The following PTPRB variants were observed in gnomAD, a reference collection of about 807,000 sequenced individuals.
PTPRB encodes receptor-type tyrosine-protein phosphatase beta.
A neutral mutation model predicts 238.1 loss-of-function variants in PTPRB; 97 were observed. The ratio of observed to expected loss-of-function variants is 0.41; its 90% CI spans 0.35 to 0.48. The LOEUF (loss-of-function observed/expected upper bound fraction) is 0.48. Ranked by LOEUF, PTPRB falls within the 20% of genes least tolerant of loss-of-function variation. PTPRB has a pLI of 0.30. For missense variants in PTPRB, 2,292 were observed against 2,681.9 expected (o/e 0.85, Z 3.21); for synonymous variants, 970 against 995.4 (o/e 0.97, Z 0.48).
At chr12:70,553,966 C>T (rs1214479026) in intron 20 of PTPRB, among the ~76,000 whole-genome samples, 1 of 152,158 alleles carries the variant, frequency 6.6e-6, no homozygotes, top group Non-Finnish European at 1.5e-5. Context: ...CACAAGGCTA[C>T]TTTCTGGGGT....
chr12:70,539,618 G>T lies in PTPRB; in HGVS notation c.5778+7C>A. ...GATGCTGAAGCTTCATTCTGCCTGA[G>T]TTGTACCTCGTATTCCTTGGATAGA... is the stretch of plus-strand genomic sequence containing the variant. On this transcript the variant is annotated splice_region_variant and intron_variant, in intron 26 of 33. Coordinates refer to ENST00000334414, the MANE Select transcript of PTPRB (RefSeq NM_001109754.4). 4 of 1,527,470 alleles carry T rather than the reference G, an allele frequency of 2.6e-6. No homozygotes were observed. Among genetic ancestry groups the T allele is most frequent in the Non-Finnish European group, 3.6e-6 (4 of 1,118,318 alleles). 94.6% of individuals were successfully genotyped at this position (1,527,470 alleles called of 1,614,324 possible).
intron 19 of PTPRB, 81 bp downstream of exon 19, chr12:70,555,789 T>G: frequency 1.3e-6 from 2 of 1,498,894 alleles, no homozygotes; most frequent in Non-Finnish European, 1.8e-6. Flanking sequence ...TGAATAGCAG[T>G]GATGGATATG....
Position 70,532,057 on chromosome 12 carries a change from C to T in PTPRB, c.6482G>A (p.Arg2161Lys), listed in dbSNP as rs967055558. The part of the protein sequence containing the change: ...YGAVHDLRLH[R>K]VHMVQTECQY... ...TACCTCAGTCTGGACCATGTGAACC[C>T]TGTGAAGTCTTAGGTCGTGCACTGC... Residue 2161 changes from arginine to lysine, a missense_variant, in exon 32 of 34, where the codon AGG (arginine) becomes AAG (lysine). Transcript: ENST00000334414. The T allele has an allele frequency of 1.6e-5, 26 of 1,613,920 alleles. No individual in the cohort carries two copies. The highest frequency in any genetic ancestry group is 2.2e-5 in the Non-Finnish European group (26 of 1,179,886).
At chr12:70,623,713 C>T (rs907550131) in intron 2 of PTPRB, among the ~76,000 whole-genome samples, 18 of 152,190 alleles carry the variant, frequency 1.2e-4, no homozygotes, top group East Asian at 3.9e-4. Context: ...ACTGGGAGAG[C>T]GAGGATTTTA....
chr12:70,594,830 C>T (rs775814875), intron 5 of PTPRB, 106 bp from the exon 6 acceptor site: 1 of 1,349,998 alleles, frequency 7.4e-7, no homozygotes, highest in Non-Finnish European at 1.0e-6. Context: ...CTCTGTACAT[C>T]TTAACTTGAT....
chr12:70,520,156 A>G lies in PTPRB; in HGVS notation c.*1333T>C, dbSNP rs751794746. 1 of 454,952 alleles carries G rather than the reference A, an allele frequency of 2.2e-6. No homozygotes were observed. The highest frequency in any genetic ancestry group is 4.4e-6 in the Non-Finnish European group (1 of 227,290). 28.2% of individuals were successfully genotyped at this position (454,952 alleles called of 1,614,324 possible). A position where few individuals can be genotyped will look rare whatever the true frequency, so the allele number is the denominator to read the frequency against. Reference sequence around the variant, plus strand: ...ACATCTCCAGCTCATCTTCTCAGGTATCTATGAAGATTCCGTACAAACTCC... The same window carrying G: ...ACATCTCCAGCTCATCTTCTCAGGTGTCTATGAAGATTCCGTACAAACTCC... On this transcript the variant is annotated 3_prime_UTR_variant, in exon 34 of 34. Transcript: ENST00000334414.
intron 3 of PTPRB, among the ~76,000 whole-genome samples, chr12:70,614,176 A>C (rs1352959505): frequency 2.0e-5 from 3 of 152,162 alleles, no homozygotes; most frequent in Non-Finnish European, 4.4e-5. Flanking sequence ...AATGCTGGGG[A>C]TAGAGCTCAA....
chr12:70,546,874 G>C (rs942890476), intron 21 of PTPRB, among the ~76,000 whole-genome samples: 1 of 152,110 alleles, frequency 6.6e-6, no homozygotes, highest in African/African-American at 2.4e-5. Flanking sequence ...GTTAAAGATT[G>C]GCTTGGGTGA....
intron 28 of PTPRB, among the ~76,000 whole-genome samples, chr12:70,536,650 A>T (rs1874167238): frequency 1.3e-5 from 2 of 152,216 alleles, no homozygotes; most frequent in Non-Finnish European, 2.9e-5. Context: ...ATTTAATCCA[A>T]ACCACAGTCC....
Position 70,590,139 on chromosome 12 carries a change from C to T in PTPRB, c.1875G>A (p.Gln625=). 1 of 1,613,748 alleles carries T rather than the reference C, an allele frequency of 6.2e-7. No homozygotes were observed. The highest frequency in any genetic ancestry group is 8.5e-7 in the Non-Finnish European group (1 of 1,179,786). The change falls in exon 8 of 34, where the codon CAG becomes CAA. Residue 625 remains glutamine, a synonymous_variant. Coordinates refer to ENST00000334414, the MANE Select transcript of PTPRB (RefSeq NM_001109754.4). ...SWSPPAGDWE[Q]YRILLFNDSV... is the part of the protein sequence containing the mutation. Reference sequence around the variant, plus strand: ...AATCATTGAAGAGTAGGATCCGATACTGCTCCCAGTCTCCAGCAGGGGGCG... The same window carrying T: ...AATCATTGAAGAGTAGGATCCGATATTGCTCCCAGTCTCCAGCAGGGGGCG...
At chr12:70,617,546 G>A (rs1884733902) in intron 3 of PTPRB, among the ~76,000 whole-genome samples, 1 of 152,076 alleles carries the variant, frequency 6.6e-6, no homozygotes, top group African/African-American at 2.4e-5. Context: ...TCAGTGAAGG[G>A]GAATTTTTTC....
chr12:70,601,201 C>T (rs971105771), intron 4 of PTPRB, among the ~76,000 whole-genome samples: 1 of 151,926 alleles, frequency 6.6e-6, no homozygotes, highest in Non-Finnish European at 1.5e-5. Context: ...TAGGGTTTCG[C>T]CATGTTGCCC....
At chr12:70,551,472 T>C (rs1205441983) in intron 21 of PTPRB, among the ~76,000 whole-genome samples, 1 of 152,154 alleles carries the variant, frequency 6.6e-6, no homozygotes, top group Non-Finnish European at 1.5e-5. Flanking sequence ...GTCTGACTTT[T>C]TTGATGTGAG....
chr12:70,538,054 T>TTG, intron 28 of PTPRB, 101 bp downstream of exon 28: 4 of 993,618 alleles, frequency 4.0e-6, no homozygotes, highest in Non-Finnish European at 5.9e-6. Context: ...CTACAGGTGT[T>TTG]TCCAGACCTA....
chr12:70,580,580 G>A (rs987019621), intron 10 of PTPRB, among the ~76,000 whole-genome samples: 1 of 152,172 alleles, frequency 6.6e-6, no homozygotes, highest in Non-Finnish European at 1.5e-5. Flanking sequence ...AGAACTTTGG[G>A]AGGCCGAGGC....
At position 70,587,018 on chromosome 12, in the gene PTPRB, T is replaced by C. The variant is rs1193733316; in HGVS notation, c.2300A>G (p.Lys767Arg). The C allele has an allele frequency of 6.2e-7, 1 of 1,613,284 alleles. No homozygotes were observed. Among genetic ancestry groups the C allele is most frequent in the Admixed American group, 1.7e-5 (1 of 59,986 alleles). Reference sequence around the variant, plus strand: ...ATAAAGGTTACTACCTGTTCTTCCTTTTACTGAAGAGGAATTTTTTAAGTC... The same window carrying C: ...ATAAAGGTTACTACCTGTTCTTCCTCTTACTGAAGAGGAATTTTTTAAGTC... ...SGDLKNSSSV[K>R]GRTVPAQVTD... Residue 767 changes from lysine (K) to arginine (R), a missense_variant, in exon 9 of 34, where the codon AAA becomes AGA. Transcript: ENST00000334414.
At position 70,569,859 on chromosome 12, in the gene PTPRB, C is replaced by T. The variant is rs1274700088; in HGVS notation, c.3450G>A (p.Gly1150=). ...ACACCGTGTAGGAATCAACGTCTCC[C>T]CCACCAGGAGTCCAGTTCACCGTCA... ...DSLTVNWTPG[G]GDVDSYTVSA... Residue 1150 remains glycine, a synonymous_variant, in exon 14 of 34, where the codon GGG becomes GGA. Transcript: ENST00000334414. The T allele has an allele frequency of 2.5e-6, 4 of 1,613,908 alleles. No individual in the cohort carries two copies. Among genetic ancestry groups the T allele is most frequent in the South Asian group, 1.1e-5 (1 of 91,072 alleles).
intron 32 of PTPRB, among the ~76,000 whole-genome samples, chr12:70,525,132 C>G (rs996933550): frequency 6.6e-6 from 1 of 151,990 alleles, no homozygotes; most frequent in Non-Finnish European, 1.5e-5. Context: ...TTTCAAAAAC[C>G]TTGTGAAGTA....
At chr12:70,635,186 T>C (rs1885626352) in intron 2 of PTPRB, among the ~76,000 whole-genome samples, 1 of 152,166 alleles carries the variant, frequency 6.6e-6, no homozygotes, top group South Asian at 2.1e-4. Context: ...ATACAAGAGA[T>C]TTGCAAAAAC....
Sources: allele counts gnomAD v4.1 joint callset (sites outside exome capture counted in the v4.1 genomes callset), GRCh38; gene constraint gnomAD v4.1.1; transcripts MANE v1.5; gene names NCBI Gene and HGNC (gene_info 2026-07-23, HGNC 2026-07-21).